The following LGI2 variants were observed in gnomAD, a reference collection of about 807,000 sequenced individuals.
LGI2 encodes the protein leucine rich repeat LGI family member 2.
LGI2 carries 30 observed loss-of-function variants against 52.0 expected under a neutral mutation model. The observed-to-expected ratio is 0.58, with a 90% CI of 0.43 to 0.78. The LOEUF (loss-of-function observed/expected upper bound fraction) is 0.78. Ranked by LOEUF, LGI2 falls within the 30% of genes least tolerant of loss-of-function variation. LGI2 has a pLI of 0.00. For missense variants in LGI2, 573 were observed against 692.5 expected (o/e 0.83, Z 1.94); for synonymous variants, 270 against 271.8 (o/e 0.99, Z 0.06).
intron 7 of LGI2, 47 bp downstream of exon 7, chr4:25,012,288 G>A (rs778351822): frequency 3.2e-5 from 51 of 1,604,406 alleles, no homozygotes; most frequent in East Asian, 8.9e-5. Flanking sequence ...CGGGCTTGCC[G>A]CAATGCTGAA....
Position 25,003,644 on chromosome 4 carries a change from C to A in LGI2, c.1445G>T (p.Ser482Ile). 1.9e-6 allele frequency: 3 copies of A among 1,614,202 alleles called. No homozygotes were observed. The highest frequency in any genetic ancestry group is 2.5e-6 in the Non-Finnish European group (3 of 1,180,040). The change falls in exon 8 of 8, where the codon AGT (serine) becomes ATT (isoleucine). Residue 482 changes from serine to isoleucine, a missense_variant. Transcript: ENST00000382114. Reference protein sequence around the residue: ...FKDNHYLALGSDYTFSQIYQW... With the variant: ...FKDNHYLALGIDYTFSQIYQW... ...GTATATCTGAGAGAATGTATAGTCA[C>A]TCCCCAGGGCCAGGTAGTGATTATC...
intron 5 of LGI2, among the ~76,000 whole-genome samples, chr4:25,018,751 A>G (rs1421477381): frequency 6.6e-6 from 1 of 152,010 alleles, no homozygotes; most frequent in Non-Finnish European, 1.5e-5. Flanking sequence ...AGTCCCAGCT[A>G]CTCAGGAGGC....
downstream of LGI2, among the ~76,000 whole-genome samples, chr4:24,994,366 G>A (rs1724995133): frequency 6.6e-6 from 1 of 152,192 alleles, no homozygotes; most frequent in East Asian, 1.9e-4. Context: ...GGGTTGCCTT[G>A]TCCTGAATAG....
At position 25,016,095 on chromosome 4, in the gene LGI2, G is replaced by A. The variant is rs1725749176; in HGVS notation, c.655+1894C>T. ...CTCTTGCTACTCCATGTTGGGATGA[G>A]GACAGGTTACCTCAGTTCCAAGCTA... On this transcript the variant is annotated intron_variant, in intron 6 of 7. Transcript: ENST00000382114. Among the ~76,000 whole-genome samples, 2 of 152,186 alleles carry A rather than the reference G, an allele frequency of 1.3e-5. 1 individual carries two copies. The highest frequency in any genetic ancestry group is 4.2e-4 in the South Asian group (2 of 4,814).
At chr4:25,024,651 T>C (rs1204655587) in intron 4 of LGI2, among the ~76,000 whole-genome samples, 169 bp downstream of exon 4, 2 of 152,354 alleles carry the variant, frequency 1.3e-5, no homozygotes, top group East Asian at 3.9e-4. Context: ...AAGACAAGTA[T>C]GTGTGTACTC....
At chr4:24,994,390 A>G (rs1438021882), downstream of LGI2, among the ~76,000 whole-genome samples, 1 of 152,182 alleles carries the variant, frequency 6.6e-6, no homozygotes, top group Non-Finnish European at 1.5e-5. Flanking sequence ...ACATTAGAGA[A>G]AAGGCTTGAT....
chr4:24,993,565 C>A, the LGI2 span, among the ~76,000 whole-genome samples: 1 of 152,166 alleles, frequency 6.6e-6, no homozygotes, highest in Non-Finnish European at 1.5e-5. Flanking sequence ...GGAATGAGAG[C>A]TTCCTCCTGC....
At chr4:25,008,790 CG>C (rs1405430324) in intron 7 of LGI2, among the ~76,000 whole-genome samples, 1 of 152,106 alleles carries the variant, frequency 6.6e-6, no homozygotes, top group African/African-American at 2.4e-5. Flanking sequence ...AAAGAGGAGC[CG>C]GGTGGGCTTC....
intron 7 of LGI2, among the ~76,000 whole-genome samples, chr4:25,005,001 C>T (rs1725355645): frequency 6.6e-6 from 1 of 152,170 alleles, no homozygotes; most frequent in South Asian, 2.1e-4. Context: ...CATGGATGGA[C>T]TTTGAGGGCA....
the LGI2 span, among the ~76,000 whole-genome samples, chr4:24,992,857 ATGGGC>A: frequency 6.6e-6 from 1 of 152,118 alleles, no homozygotes; most frequent in Non-Finnish European, 1.5e-5. Flanking sequence ...AGAACAAAAC[ATGGGC>A]TCTAGAGTCA....
the LGI2 span, among the ~76,000 whole-genome samples, chr4:24,993,610 C>T: frequency 2.6e-5 from 4 of 152,282 alleles, no homozygotes; most frequent in African/African-American, 9.6e-5. Context: ...CTTTAATGGT[C>T]ATAGAAAATT....
chr4:24,997,662 G>A (rs908438335), downstream of LGI2, among the ~76,000 whole-genome samples: 1 of 152,162 alleles, frequency 6.6e-6, no homozygotes, highest in African/African-American at 2.4e-5. Context: ...TGAGCAGGTA[G>A]GCATTCATAC....
chr4:24,999,552 T>G lies in LGI2; in HGVS notation c.*3899A>C. The G allele has an allele frequency of 4.2e-6, 1 of 237,902 alleles. No homozygotes were observed. The highest frequency in any genetic ancestry group is 5.1e-5 in the South Asian group (1 of 19,636). The allele number at this position is 237,902 out of a possible 1,614,324, so 14.7% of individuals were successfully genotyped here. On this transcript the variant is annotated 3_prime_UTR_variant, in exon 8 of 8. Coordinates refer to ENST00000382114, the MANE Select transcript of LGI2 (RefSeq NM_018176.4). ...CCGCTGCCTAATTAAAGAACTTCCT[T>G]CCGCAGCTGCGAAGGAGAGGCTGAT...
At chr4:25,028,690 G>A in intron 1 of LGI2, 112 bp from the exon 2 acceptor site, 1 of 859,188 alleles carries the variant, frequency 1.2e-6, no homozygotes, top group Non-Finnish European at 1.9e-6. Context: ...ACTCTCAGGA[G>A]TGAGGCATAG....
downstream of LGI2, among the ~76,000 whole-genome samples, chr4:24,997,377 T>C (rs780297883): frequency 1.1e-4 from 16 of 152,204 alleles, no homozygotes; most frequent in Admixed American, 5.9e-4. Context: ...TGCACTGAGA[T>C]ATTAGGATTA....
chr4:25,006,016 C>T (rs917419975), intron 7 of LGI2, among the ~76,000 whole-genome samples: 2 of 152,188 alleles, frequency 1.3e-5, no homozygotes, highest in East Asian at 1.9e-4. Flanking sequence ...TGGCACCTAG[C>T]GGGTGATTGC....
chr4:25,030,131 T>G (rs1726281459), intron 1 of LGI2, among the ~76,000 whole-genome samples: 1 of 152,068 alleles, frequency 6.6e-6, no homozygotes, highest in South Asian at 2.1e-4. Flanking sequence ...CAAACTTTAA[T>G]GCACCCTTGA....
intron 6 of LGI2, among the ~76,000 whole-genome samples, chr4:25,012,842 T>TC (rs1473236606): frequency 6.6e-6 from 1 of 152,218 alleles, no homozygotes; most frequent in African/African-American, 2.4e-5. Context: ...ACAGCAACAT[T>TC]CTCAAAACTG....
rs183634209 is a variant in LGI2, at chr4:25,024,879, C to T, written c.354G>A (p.Gly118=). 114 of 1,605,022 alleles carry T rather than the reference C, an allele frequency of 7.1e-5. No homozygotes were observed. Among genetic ancestry groups the T allele is most frequent in the Non-Finnish European group, 9.4e-6 (11 of 1,176,436 alleles). ...TTCTTGAAATGGTTTCTATTTTGTT[C>T]CCTTCAATGAACCTAAGAGGAAAAG... ...LFHLEYLFIE[G]NKIETISRNA... The change falls in exon 4 of 8, where the codon GGG becomes GGA. Residue 118 remains glycine, a synonymous_variant. Coordinates refer to ENST00000382114, the MANE Select transcript of LGI2 (RefSeq NM_018176.4).
Sources: allele counts gnomAD v4.1 joint callset (sites outside exome capture counted in the v4.1 genomes callset), GRCh38; gene constraint gnomAD v4.1.1; transcripts MANE v1.5; gene names NCBI Gene and HGNC (gene_info 2026-07-23, HGNC 2026-07-21).